Variants in WDFY1 observed in about 807,000 individuals in gnomAD.
WDFY1 encodes the protein WD repeat and FYVE domain containing 1.
In WDFY1, 32 loss-of-function variants were observed where a neutral mutation model predicts 56.4. The ratio of observed to expected loss-of-function variants is 0.57; its 90% CI spans 0.43 to 0.76. The LOEUF (loss-of-function observed/expected upper bound fraction) is 0.76. Among genes scored for constraint, WDFY1 ranks in the 30% least tolerant of loss-of-function variants. The probability of loss-of-function intolerance (pLI) is 0.00; values close to 1 mark genes in which losing one functional copy is unlikely to be tolerated. For missense variants in WDFY1, 480 were observed against 545.7 expected (o/e 0.88, Z 1.20); for synonymous variants, 192 against 197.3 (o/e 0.97, Z 0.23).
chr2:223,907,272 C>T (rs1455096647), intron 3 of WDFY1, among the ~76,000 whole-genome samples: 1 of 152,074 alleles, frequency 6.6e-6, no homozygotes, highest in African/African-American at 2.4e-5. Context: ...CCACCGTGCC[C>T]AGCCAAGAAT....
intron 8 of WDFY1, among the ~76,000 whole-genome samples, chr2:223,890,151 C>G (rs1409683776): frequency 6.6e-6 from 1 of 152,164 alleles, no homozygotes; most frequent in African/African-American, 2.4e-5. Context: ...CCTCAGGGAG[C>G]ATGATTCTGT....
chr2:223,924,175 T>A (rs547989433), intron 1 of WDFY1, among the ~76,000 whole-genome samples: 1 of 152,218 alleles, frequency 6.6e-6, no homozygotes. Flanking sequence ...CAGAGCCTAA[T>A]AAATCTTTTC....
At position 223,894,300 on chromosome 2, in the gene WDFY1, C is replaced by A. The variant is rs755527214; in HGVS notation, c.765G>T (p.Arg255Ser). The change falls in exon 8 of 12, where the codon AGG becomes AGT. Residue 255 changes from arginine (R) to serine (S), a missense_variant. By Grantham distance (110) the Arg-to-Ser change is moderately radical. Coordinates refer to ENST00000233055, the MANE Select transcript of WDFY1 (RefSeq NM_020830.5). ...CGTCCGAGGAACAGGAGACGAGCTGCCTGGTGAGCTGAAGGTAGCACAGCG... is the reference window on the plus strand; with the variant it reads ...CGTCCGAGGAACAGGAGACGAGCTGACTGGTGAGCTGAAGGTAGCACAGCG... ...VQSLCYLQLTRQLVSCSSDGG... is the reference protein window; with the variant it reads ...VQSLCYLQLTSQLVSCSSDGG... 1 of 1,614,182 alleles carries A rather than the reference C, an allele frequency of 6.2e-7. No homozygotes were observed. Among genetic ancestry groups the A allele is most frequent in the South Asian group, 1.1e-5 (1 of 91,088 alleles).
At chr2:223,907,882 C>G (rs1693625972) in intron 3 of WDFY1, among the ~76,000 whole-genome samples, 1 of 146,670 alleles carries the variant, frequency 6.8e-6, no homozygotes, top group African/African-American at 2.5e-5. Context: ...TCTTTTGAGA[C>G]AGGGTCTTGT....
At chr2:223,908,724 C>T (rs1221185149) in intron 3 of WDFY1, among the ~76,000 whole-genome samples, 1 of 152,158 alleles carries the variant, frequency 6.6e-6, no homozygotes, top group East Asian at 1.9e-4. Flanking sequence ...CTGCCCAGAC[C>T]AAACCCTGAG....
At chr2:223,938,400 T>C (rs757782031) in intron 1 of WDFY1, among the ~76,000 whole-genome samples, 7 of 152,242 alleles carry the variant, frequency 4.6e-5, no homozygotes, top group Non-Finnish European at 1.0e-4. Context: ...AAAGCAAACA[T>C]ACTGGTTCCT....
At chr2:223,898,490 C>G (rs758338657) in intron 6 of WDFY1, among the ~76,000 whole-genome samples, 21 of 152,084 alleles carry the variant, frequency 1.4e-4, no homozygotes, top group African/African-American at 4.8e-5. Context: ...ACCTCTGCCC[C>G]CCAGGTTCAA....
At position 223,929,616 on chromosome 2, in the gene WDFY1, C is replaced by T. The variant is rs186444114; in HGVS notation, c.138-11606G>A. On this transcript the variant is annotated intron_variant, in intron 1 of 11. Transcript: ENST00000233055. ...GTGATTTCCCACCTCCCTGCACCTC[C>T]CTGAACTTCCCTCTACCACCTTCTC... 9.9e-5 allele frequency among the ~76,000 whole-genome samples: 15 copies of T among 152,234 alleles called. No homozygotes were observed. The East Asian group carries it at 2.1e-3, about 22-fold the overall frequency.
In WDFY1 at chr2:223,875,928, T is replaced by C. The variant is rs193046666; in HGVS notation, c.*2743A>G. The stretch of plus-strand genomic sequence containing the variant: ...GGTCAGTTTCACCAGTTTAAAAATA[T>C]AGGTACTAACAAACTGAATTCTTTC... On this transcript the variant is annotated 3_prime_UTR_variant, in exon 12 of 12. Coordinates refer to ENST00000233055, the MANE Select transcript of WDFY1 (RefSeq NM_020830.5). 131 of 152,268 alleles carry C rather than the reference T, an allele frequency of 8.6e-4. No homozygotes were observed. The highest frequency in any genetic ancestry group is 3.0e-3 in the African/African-American group (123 of 41,556). 9.4% of individuals were successfully genotyped at this position (152,268 alleles called of 1,614,324 possible).
At position 223,945,247 on chromosome 2, in the gene WDFY1, C is replaced by T; in HGVS notation, c.38G>A (p.Arg13His). 6.3e-7 allele frequency: 1 copy of T among 1,589,598 alleles called. No homozygotes were observed. ...CTCGATCTTGCTCAGCAGCACCGGG[C>T]GGCTGCTCTGCGGCCTGGAGTGGAT... ...AEIHSRPQSS[R>H]PVLLSKIEGH... The change falls in exon 1 of 12, where the codon CGC becomes CAC. Residue 13 changes from arginine (R) to histidine (H), a missense_variant. By Grantham distance (29) the Arg-to-His change is conservative. Coordinates refer to ENST00000233055, the MANE Select transcript of WDFY1 (RefSeq NM_020830.5).
At chr2:223,883,382 CTTCTG>C (rs1270888432) in intron 9 of WDFY1, among the ~76,000 whole-genome samples, 2 of 152,216 alleles carry the variant, frequency 1.3e-5, no homozygotes, top group South Asian at 2.1e-4. Flanking sequence ...CCTCTTCTCT[CTTCTG>C]TTAACTGTTA....
intron 1 of WDFY1, among the ~76,000 whole-genome samples, chr2:223,922,872 G>A (rs567388193): frequency 7.2e-5 from 11 of 152,116 alleles, no homozygotes; most frequent in Admixed American, 5.9e-4. Context: ...AGTCAAAATC[G>A]AACCTACTTA....
At chr2:223,884,438 C>T (rs1025728309) in intron 9 of WDFY1, among the ~76,000 whole-genome samples, 22 of 152,088 alleles carry the variant, frequency 1.4e-4, no homozygotes, top group African/African-American at 2.4e-5. Flanking sequence ...CTTTCCAATA[C>T]AGGACAAGCA....
At chr2:223,943,640 T>C (rs1180624778) in intron 1 of WDFY1, among the ~76,000 whole-genome samples, 1 of 152,224 alleles carries the variant, frequency 6.6e-6, no homozygotes, top group Admixed American at 6.5e-5. Flanking sequence ...GGAAACACAG[T>C]TTCATTCAAT....
rs561576616 is a variant in WDFY1, at chr2:223,925,057, T to C, written c.138-7047A>G. Among the ~76,000 whole-genome samples the C allele has an allele frequency of 5.9e-5, 9 of 152,262 alleles. No individual in the cohort carries two copies. In the South Asian group the frequency reaches 1.5e-3, roughly 25 times the overall value. ...GGAACTACAAATTTAAAAAACTTCA[T>C]ATAAGCTTTATCCAAGGAGTAAAAA... On this transcript the variant is annotated intron_variant, in intron 1 of 11. Coordinates refer to ENST00000233055, the MANE Select transcript of WDFY1 (RefSeq NM_020830.5).
intron 2 of WDFY1, among the ~76,000 whole-genome samples, chr2:223,913,294 G>C (rs961344490): frequency 2.0e-5 from 3 of 151,504 alleles, no homozygotes; most frequent in Non-Finnish European, 4.4e-5. Context: ...TCTCTCTCTA[G>C]TAGGGTGATA....
At chr2:223,891,366 G>C (rs978122959) in intron 8 of WDFY1, among the ~76,000 whole-genome samples, 1 of 25,046 alleles carries the variant, frequency 4.0e-5, no homozygotes, top group Non-Finnish European at 7.8e-5. Context: ...CTGAGTGACA[G>C]AGCTAGACTC....
intron 2 of WDFY1, among the ~76,000 whole-genome samples, chr2:223,915,418 T>C (rs1199455022): frequency 6.6e-6 from 1 of 152,240 alleles, no homozygotes; most frequent in East Asian, 1.9e-4. Flanking sequence ...ACATTTCTAC[T>C]GCTAGGTTTT....
chr2:223,888,904 T>A (rs1228944000), intron 8 of WDFY1, among the ~76,000 whole-genome samples: 2 of 137,712 alleles, frequency 1.5e-5, no homozygotes, highest in Admixed American at 1.5e-4. Flanking sequence ...CTCAACTCTT[T>A]TTTTTTTTTT....
Sources: allele counts gnomAD v4.1 joint callset (sites outside exome capture counted in the v4.1 genomes callset), GRCh38; gene constraint gnomAD v4.1.1; transcripts MANE v1.5; gene names NCBI Gene and HGNC (gene_info 2026-07-23, HGNC 2026-07-21).